The following PXDNL variants were observed in gnomAD, a reference collection of about 807,000 sequenced individuals.
The protein encoded by PXDNL is peroxidasin like.
Under a neutral mutation model 150.8 loss-of-function variants are expected in PXDNL, and 145 were observed. That is an observed-to-expected ratio of 0.96 (90% CI 0.84 to 1.10). The LOEUF is 1.10. Among genes scored for constraint, PXDNL ranks in the 50% least tolerant of loss-of-function variants. The pLI is 0.00. For missense variants in PXDNL, 2,087 were observed against 1,873.9 expected, an observed-to-expected ratio of 1.11 and a Z score of -2.10; for synonymous variants, 757 against 725.7, an observed-to-expected ratio of 1.04 and a Z score of -0.69.
chr8:51,504,978 T>C (rs922252354), intron 4 of PXDNL, among the ~76,000 whole-genome samples: 2 of 152,226 alleles, frequency 1.3e-5, no homozygotes, highest in African/African-American at 4.8e-5. Context: ...AGTCTGACTT[T>C]AGTAAGCTCT....
Position 51,457,612 on chromosome 8 carries a change from G to A in PXDNL, c.868C>T (p.Leu290Phe). ...TRLNVFDDGT[L>F]MIRNTRESDQ... is the part of the protein sequence containing the mutation. ...GACTCTCTGGTGTTTCGGATCATGA[G>A]TGTGCCATCATCAAACACATTAAGT... The change falls in exon 9 of 23, where the codon CTC (leucine) becomes TTC (phenylalanine). Residue 290 changes from leucine (L) to phenylalanine (F), a missense_variant. Transcript: ENST00000356297. 1 of 1,613,824 alleles carries A rather than the reference G, an allele frequency of 6.2e-7. No homozygotes were observed. The highest frequency in any genetic ancestry group is 8.5e-7 in the Non-Finnish European group (1 of 1,179,808).
At chr8:51,731,085 C>A (rs1478879030) in intron 1 of PXDNL, among the ~76,000 whole-genome samples, 1 of 152,178 alleles carries the variant, frequency 6.6e-6, no homozygotes, top group Admixed American at 6.5e-5. Flanking sequence ...AACAGTCTCC[C>A]AAAGTCTTTA....
chr8:51,736,959 G>A (rs1048543703), intron 1 of PXDNL, among the ~76,000 whole-genome samples: 15 of 152,102 alleles, frequency 9.9e-5, no homozygotes, highest in African/African-American at 2.7e-4. Flanking sequence ...CCATAAGAGC[G>A]GTTGTTCTTT....
chr8:51,711,428 G>A (rs755627102), intron 1 of PXDNL, among the ~76,000 whole-genome samples: 13 of 152,142 alleles, frequency 8.5e-5, no homozygotes, highest in Admixed American at 4.6e-4. Context: ...ATGAGCCACC[G>A]GACCCAGCCG....
chr8:51,807,084 TAGGGTGA>T lies in PXDNL; in HGVS notation c.164+2090_164+2096del, dbSNP rs141711163. The stretch of plus-strand genomic sequence containing the variant: ...TTCATTAAATCTTCAAGATAACCAA[TAGGGTGA>T]AGAGTGCATCAGTCTGTTTTCACAC... On this transcript the variant is annotated intron_variant, in intron 1 of 22. Transcript: ENST00000356297. Among the ~76,000 whole-genome samples, 228 of 152,296 alleles carry T rather than the reference TAGGGTGA, an allele frequency of 1.5e-3. 1 individual carries two copies. Among genetic ancestry groups the T allele is most frequent in the African/African-American group, 5.4e-3 (223 of 41,560 alleles).
chr8:51,635,454 A>G (rs1192635442), intron 2 of PXDNL, among the ~76,000 whole-genome samples: 4 of 152,080 alleles, frequency 2.6e-5, no homozygotes, highest in Non-Finnish European at 5.9e-5. Context: ...TTCTTTGAAA[A>G]GATCAATACA....
chr8:51,358,290 C>T (rs75176585), intron 19 of PXDNL, among the ~76,000 whole-genome samples: 4,565 of 152,262 alleles, frequency 0.03, 223 homozygotes, highest in African/African-American at 0.1. Flanking sequence ...CTAGCTGAAA[C>T]AGTAAACAGG....
intron 2 of PXDNL, among the ~76,000 whole-genome samples, chr8:51,608,003 A>AAGAAAGAAAGAAAG (rs1554557477): frequency 0.02 from 699 of 35,624 alleles, 25 homozygotes; most frequent in South Asian, 0.034. Context: ...GGAAGGAAGG[A>AAGAAAGAAAGAAAG]AGAAAGAAAG....
intron 8 of PXDNL, among the ~76,000 whole-genome samples, chr8:51,465,632 G>A (rs1453592745): frequency 6.6e-6 from 1 of 152,068 alleles, no homozygotes; most frequent in Non-Finnish European, 1.5e-5. Context: ...CTGATAATAT[G>A]ATTCTATACC....
At chr8:51,597,195 T>C (rs528951764) in intron 2 of PXDNL, among the ~76,000 whole-genome samples, 2 of 152,312 alleles carry the variant, frequency 1.3e-5, no homozygotes, top group East Asian at 3.9e-4. Context: ...GTCGACTTCA[T>C]CAAAGATTAA....
At chr8:51,650,143 T>C (rs1202851217) in intron 2 of PXDNL, among the ~76,000 whole-genome samples, 1 of 150,314 alleles carries the variant, frequency 6.7e-6, no homozygotes, top group Non-Finnish European at 1.5e-5. Flanking sequence ...CACCTTTGAA[T>C]TGATTCCATA....
intron 12 of PXDNL, among the ~76,000 whole-genome samples, chr8:51,442,529 TATC>T (rs1352967120): frequency 2.0e-5 from 3 of 152,060 alleles, no homozygotes; most frequent in Non-Finnish European, 4.4e-5. Flanking sequence ...GTTAAAGAAA[TATC>T]TATTCAGACC....
chr8:51,458,744 T>G (rs1433671672), intron 8 of PXDNL, among the ~76,000 whole-genome samples: 2 of 152,212 alleles, frequency 1.3e-5, no homozygotes, highest in Non-Finnish European at 2.9e-5. Flanking sequence ...TATTCCCACA[T>G]AGGTAAAAAC....
At chr8:51,386,824 GAA>G (rs561391223) in intron 17 of PXDNL, among the ~76,000 whole-genome samples, 5 of 134,318 alleles carry the variant, frequency 3.7e-5, no homozygotes, top group Non-Finnish European at 1.6e-5. Context: ...ACTTCATCTT[GAA>G]AAAAAAAAAA....
At chr8:51,446,436 T>C (rs1809678559) in intron 12 of PXDNL, among the ~76,000 whole-genome samples, 1 of 152,240 alleles carries the variant, frequency 6.6e-6, no homozygotes, top group Non-Finnish European at 1.5e-5. Flanking sequence ...ATAACAACCA[T>C]TTTTCATTTT....
intron 2 of PXDNL, among the ~76,000 whole-genome samples, chr8:51,644,597 C>G (rs1814875619): frequency 7.4e-6 from 1 of 135,006 alleles, no homozygotes; most frequent in Non-Finnish European, 1.6e-5. Context: ...GTAGCTGGGA[C>G]TACAAGCTCC....
At chr8:51,493,150 C>A (rs962005877) in intron 5 of PXDNL, among the ~76,000 whole-genome samples, 1 of 152,202 alleles carries the variant, frequency 6.6e-6, no homozygotes, top group Admixed American at 6.5e-5. Flanking sequence ...GCAGACTGCG[C>A]TGCTGATACC....
chr8:51,431,446 G>A (rs1414862486), intron 12 of PXDNL, among the ~76,000 whole-genome samples: 1 of 152,122 alleles, frequency 6.6e-6, no homozygotes, highest in Non-Finnish European at 1.5e-5. Context: ...TTAAGGCTTC[G>A]ATTTCCTTGA....
intron 1 of PXDNL, among the ~76,000 whole-genome samples, chr8:51,750,412 G>A (rs2037032077): frequency 6.6e-6 from 1 of 152,122 alleles, no homozygotes; most frequent in South Asian, 2.1e-4. Context: ...GGTTCTTCCT[G>A]AGTAGGTTCA....
Sources: gnomAD v4.1 joint callset for allele counts (sites outside exome capture counted in the v4.1 genomes callset) on GRCh38, gnomAD v4.1.1 for gene constraint, MANE v1.5 for transcripts, NCBI Gene and HGNC (gene_info 2026-07-23, HGNC 2026-07-21) for gene names.